The following KCTD1 variants were observed in gnomAD, a reference collection of about 807,000 sequenced individuals.
KCTD1 encodes potassium channel tetramerization domain containing 1.
KCTD1 carries 24 observed loss-of-function variants against 66.0 expected under a neutral mutation model. The ratio of observed to expected loss-of-function variants is 0.36; its 90% CI spans 0.26 to 0.51. KCTD1 has a LOEUF of 0.51. Among genes scored for constraint, KCTD1 ranks in the 20% least tolerant of loss-of-function variants. The pLI is 0.95. For missense variants in KCTD1, 943 were observed against 1,205.2 expected (o/e 0.78, Z 3.22); for synonymous variants, 511 against 517.2 (o/e 0.99, Z 0.16).
rs577111076 is a variant in KCTD1 at position 26,569,724 on chromosome 18, T to A, written c.-16+59423A>T. Among the ~76,000 whole-genome samples, 6 of 152,332 alleles carry A rather than the reference T, an allele frequency of 3.9e-5. No homozygotes were observed. The South Asian group carries it at 1.2e-3, about 32-fold the overall frequency. The stretch of plus-strand genomic sequence containing the variant: ...AGCTCACCTCGGGTTATGAAATACC[T>A]GCTCTAACTTGATCTTAACCCTCTC... On this transcript the variant is annotated intron_variant, in intron 1 of 4. Coordinates refer to the KCTD1 transcript ENST00000317932.
chr18:26,512,538 T>C (rs933497094), intron 1 of KCTD1, among the ~76,000 whole-genome samples: 1 of 152,260 alleles, frequency 6.6e-6, no homozygotes, highest in Non-Finnish European at 1.5e-5. Context: ...TGCTCATTTG[T>C]TCATTTATTT....
intron 1 of KCTD1, among the ~76,000 whole-genome samples, chr18:26,536,702 G>A (rs1383841867): frequency 6.6e-6 from 1 of 152,098 alleles, no homozygotes; most frequent in Non-Finnish European, 1.5e-5. Context: ...ATATTTCTAA[G>A]TTATTCTTCA....
Position 26,455,688 on chromosome 18 carries a change from T to C in KCTD1, c.*55A>G, listed in dbSNP as rs928468281. On this transcript the variant is annotated 3_prime_UTR_variant, in exon 5 of 5. Transcript: ENST00000580059. ...CCAACTGCACATAAATGTCCCTTTT[T>C]TGTTTGAGTTATTGGTTGTGTGTGT... is the stretch of plus-strand genomic sequence containing the variant. The C allele has an allele frequency of 2.6e-6, 3 of 1,175,388 alleles. No homozygotes were observed. In the African/African-American group the frequency reaches 5.2e-5, roughly 20 times the overall value. 72.8% of individuals were successfully genotyped at this position (1,175,388 alleles called of 1,614,324 possible). A position where few individuals can be genotyped will look rare whatever the true frequency, so the allele number is the denominator to read the frequency against.
chr18:26,484,540 CCT>C (rs1981816850), intron 2 of KCTD1, among the ~76,000 whole-genome samples: 1 of 152,096 alleles, frequency 6.6e-6, no homozygotes, highest in Non-Finnish European at 1.5e-5. Flanking sequence ...TTAATCCTCC[CCT>C]GACTTCGGTT....
chr18:26,600,490 T>G (rs941710899), intron 1 of KCTD1, among the ~76,000 whole-genome samples: 2 of 151,134 alleles, frequency 1.3e-5, no homozygotes, highest in African/African-American at 4.9e-5. Context: ...TGAAGCTGGC[T>G]GGGGGGGGTG....
At chr18:26,469,019 C>G (rs954291065) in intron 3 of KCTD1, among the ~76,000 whole-genome samples, 6 of 152,168 alleles carry the variant, frequency 3.9e-5, no homozygotes, top group African/African-American at 9.7e-5. Flanking sequence ...AATTCCATCA[C>G]CAGCCACCAG....
At chr18:26,532,138 A>G (rs1984462730) in intron 1 of KCTD1, among the ~76,000 whole-genome samples, 1 of 152,196 alleles carries the variant, frequency 6.6e-6, no homozygotes, top group Non-Finnish European at 1.5e-5. Flanking sequence ...TAATCACACC[A>G]TAAAGGCTAC....
intron 2 of KCTD1, among the ~76,000 whole-genome samples, chr18:26,493,399 A>AT (rs1175104071): frequency 7.0e-6 from 1 of 142,838 alleles, no homozygotes; most frequent in African/African-American, 2.5e-5. Flanking sequence ...ACAAAGATGT[A>AT]TTTTTTGGGG....
chr18:26,545,445 C>G (rs1357787092), intron 1 of KCTD1: 1 of 152,182 alleles, frequency 6.6e-6, no homozygotes, highest in East Asian at 1.9e-4. Flanking sequence ...TATTACCACT[C>G]GCAGCCCCTT....
Position 26,455,253 on chromosome 18 carries a change from G to A in KCTD1, c.*490C>T, listed in dbSNP as rs1979991291. 6.5e-6 allele frequency: 1 copy of A among 152,834 alleles called. No homozygotes were observed. Among genetic ancestry groups the A allele is most frequent in the South Asian group, 2.1e-4 (1 of 4,832 alleles). 9.5% of individuals were successfully genotyped at this position (152,834 alleles called of 1,614,324 possible). A position where few individuals can be genotyped will look rare whatever the true frequency, so the allele number is the denominator to read the frequency against. ...GCCTGGTCCCTGCCTAAAGAAAGAC[G>A]TGGAACCTCCATATACAAACAAACT... On this transcript the variant is annotated 3_prime_UTR_variant, in exon 5 of 5. Transcript: ENST00000580059.
At chr18:26,651,698 C>T (rs1318668027) in intron 1 of KCTD1, among the ~76,000 whole-genome samples, 1 of 149,272 alleles carries the variant, frequency 6.7e-6, no homozygotes, top group Non-Finnish European at 1.5e-5. Flanking sequence ...ACAGGAGAAT[C>T]GCTTGAGCCT....
chr18:26,656,765 C>G (rs1988156342), intron 1 of KCTD1, among the ~76,000 whole-genome samples: 1 of 151,208 alleles, frequency 6.6e-6, no homozygotes, highest in Admixed American at 6.6e-5. Context: ...CCGCCGCCCC[C>G]TGCGCGCCCC....
At chr18:26,593,214 T>C (rs1986650587) in intron 1 of KCTD1, among the ~76,000 whole-genome samples, 2 of 152,072 alleles carry the variant, frequency 1.3e-5, no homozygotes, top group African/African-American at 4.8e-5. Context: ...ACATTTAGCT[T>C]GGCCAGGGAG....
rs1292881844 is a variant in KCTD1, at chr18:26,459,700, CAG to C, written c.2357_2358del (p.Ser786CysfsTer38). The C allele has an allele frequency of 6.2e-7, 1 of 1,613,764 alleles. No homozygotes were observed. The highest frequency in any genetic ancestry group is 1.3e-5 in the African/African-American group (1 of 74,916). Reference protein sequence around the residue: ...FPEIGDVMCNSVNAGWNHDST... With the variant: ...FPEIGDVMCNXVNAGWNHDST... ...GAGTCGTGATTCCAGCCTGCATTGA[CAG>C]AGTTACACATCACGTCGCCGATCTC... On this transcript the variant is annotated frameshift_variant, in exon 4 of 5. Transcript: ENST00000580059. LOFTEE classifies it high-confidence loss of function.
In KCTD1 at chr18:26,476,434, T is replaced by C. The variant is rs1981349155; in HGVS notation, c.2133+81A>G. 3 of 1,347,798 alleles carry C rather than the reference T, an allele frequency of 2.2e-6. No homozygotes were observed. Among genetic ancestry groups the C allele is most frequent in the Non-Finnish European group, 3.0e-6 (3 of 985,140 alleles). 83.5% of individuals were successfully genotyped at this position (1,347,798 alleles called of 1,614,324 possible). A position where few individuals can be genotyped will look rare whatever the true frequency, so the allele number is the denominator to read the frequency against. Reference sequence around the variant, plus strand: ...CTTTCGAGTTGGTGTATGTTAATAATGTAGAACTAGAAATATTTTTTTGGA... The same window carrying C: ...CTTTCGAGTTGGTGTATGTTAATAACGTAGAACTAGAAATATTTTTTTGGA... On this transcript the variant is annotated intron_variant, in intron 3 of 4. Coordinates refer to ENST00000580059, the MANE Select transcript of KCTD1 (RefSeq NM_001142730.3). This position sits in a 1 kb window ranked among gnomAD's most constrained non-coding sequence, Gnocchi z 4.9.
Position 26,529,747 on chromosome 18 carries a change from T to G in KCTD1, c.1809+16981A>C, listed in dbSNP as rs113824989. Among the ~76,000 whole-genome samples the G allele has an allele frequency of 2.2e-3, 335 of 152,312 alleles. 2 individuals are homozygous for G. The highest frequency in any genetic ancestry group is 7.2e-3 in the African/African-American group (298 of 41,580). Reference sequence around the variant, plus strand: ...CAGAATACAAATTTCCAAATGATATTAAATAACTTTGAGAATACTGATTTT... The same window carrying G: ...CAGAATACAAATTTCCAAATGATATGAAATAACTTTGAGAATACTGATTTT... On this transcript the variant is annotated intron_variant, in intron 1 of 4. Coordinates refer to ENST00000580059, the MANE Select transcript of KCTD1 (RefSeq NM_001142730.3).
intron 1 of KCTD1, chr18:26,567,011 T>G (rs1013573114): frequency 1.3e-5 from 2 of 151,902 alleles, no homozygotes; most frequent in Non-Finnish European, 2.9e-5. Flanking sequence ...AGGGGAGGGT[T>G]GGTTTTCTTG....
At chr18:26,622,921 C>T (rs1024247946) in intron 1 of KCTD1, among the ~76,000 whole-genome samples, 1 of 152,144 alleles carries the variant, frequency 6.6e-6, no homozygotes, top group African/African-American at 2.4e-5. Flanking sequence ...TTCAGGCCAA[C>T]CAGGGAATGA....
chr18:26,534,791 A>C (rs1370746986), intron 1 of KCTD1, among the ~76,000 whole-genome samples: 1 of 152,176 alleles, frequency 6.6e-6, no homozygotes, highest in African/African-American at 2.4e-5. Flanking sequence ...GAACCCATAG[A>C]GATATGAGTT....
Sources: gnomAD v4.1 joint callset for allele counts (sites outside exome capture counted in the v4.1 genomes callset) on GRCh38, gnomAD v4.1.1 for gene constraint, Gnocchi (gnomAD v3.1) non-coding constraint, MANE v1.5 for transcripts, NCBI Gene and HGNC (gene_info 2026-07-23, HGNC 2026-07-21) for gene names.